CNKSR3: variants seen among roughly 807,000 people sequenced by gnomAD.
The protein encoded by CNKSR3 is CNKSR family member 3, also known as connector enhancer of kinase suppressor of ras 3.
Under a neutral mutation model 67.7 loss-of-function variants are expected in CNKSR3, and 36 were observed. That is an observed-to-expected ratio of 0.53 (90% CI 0.41 to 0.70). The LOEUF is 0.70. Ranked by LOEUF, CNKSR3 falls within the 30% of genes least tolerant of loss-of-function variation. The probability of loss-of-function intolerance (pLI) is 0.00; values close to 1 mark genes in which losing one functional copy is unlikely to be tolerated. For synonymous variants in CNKSR3, 281 were observed against 271.4 expected (o/e 1.04, Z -0.35); for missense variants, 630 against 695.2 (o/e 0.91, Z 1.05).
intron 2 of CNKSR3, among the ~76,000 whole-genome samples, chr6:154,444,624 T>TTG (rs1554233824): frequency 0.015 from 2,124 of 145,162 alleles, 28 homozygotes; most frequent in African/African-American, 0.052. Context: ...TTTTTTTTTT[T>TTG]GAAACGGAGT....
intron 1 of CNKSR3, among the ~76,000 whole-genome samples, chr6:154,482,887 A>ATG (rs1218878912): frequency 6.6e-6 from 1 of 152,212 alleles, no homozygotes; most frequent in East Asian, 1.9e-4. Flanking sequence ...TAGCTCTTGA[A>ATG]TGTTTAATCA....
At chr6:154,492,201 T>A (rs992311934) in intron 1 of CNKSR3, among the ~76,000 whole-genome samples, 1 of 152,174 alleles carries the variant, frequency 6.6e-6, no homozygotes, top group Non-Finnish European at 1.5e-5. Context: ...GCCATCACCC[T>A]CTCCTATTCC....
intron 1 of CNKSR3, among the ~76,000 whole-genome samples, chr6:154,495,789 A>G (rs376885290): frequency 1.3e-5 from 2 of 151,742 alleles, no homozygotes; most frequent in South Asian, 2.1e-4. Flanking sequence ...GGCGCAGAGT[A>G]CTCCTGTGTG....
At chr6:154,468,286 G>A (rs1786250856) in intron 1 of CNKSR3, among the ~76,000 whole-genome samples, 1 of 150,242 alleles carries the variant, frequency 6.7e-6, no homozygotes, top group East Asian at 2.0e-4. Context: ...CATCATGTTG[G>A]CCAGGCTGGT....
Position 154,410,385 on chromosome 6 carries a change from T to G in CNKSR3, c.1327A>C (p.Ile443Leu), listed in dbSNP as rs777913554. 6.2e-7 allele frequency: 1 copy of G among 1,613,922 alleles called. No homozygotes were observed. The highest frequency in any genetic ancestry group is 1.1e-5 in the South Asian group (1 of 91,070). Residue 443 changes from isoleucine (I) to leucine (L), a missense_variant, in exon 12 of 13, where the codon ATT becomes CTT. By Grantham distance (5) the Ile-to-Leu change is conservative. Coordinates refer to ENST00000607772, the MANE Select transcript of CNKSR3 (RefSeq NM_173515.4). The part of the protein sequence containing the change: ...SMPADGNWMG[I>L]VDPFARPRGH... Reference sequence around the variant, plus strand: ...CGAGGTCTGGCAAAAGGGTCCACAATCCCCATCCAGTTCCCATCAGCAGGC... The same window carrying G: ...CGAGGTCTGGCAAAAGGGTCCACAAGCCCCATCCAGTTCCCATCAGCAGGC...
chr6:154,472,517 C>T (rs6928135), intron 1 of CNKSR3, among the ~76,000 whole-genome samples: 42,188 of 151,888 alleles, frequency 0.28, 6,126 homozygotes, highest in East Asian at 0.41. Context: ...TTTCGTATCT[C>T]GGGATACCTA....
intron 2 of CNKSR3, among the ~76,000 whole-genome samples, chr6:154,444,605 C>CTTT (rs775511533): frequency 1.5e-5 from 2 of 135,844 alleles, no homozygotes; most frequent in Non-Finnish European, 1.6e-5. Flanking sequence ...AGTGGAGAAA[C>CTTT]TTTTTTTTTT....
rs746527710 is a variant in CNKSR3, at chr6:154,510,190, C to T, written c.-76G>A. 3 of 1,573,106 alleles carry T rather than the reference C, an allele frequency of 1.9e-6. No homozygotes were observed. Among genetic ancestry groups the T allele is most frequent in the Non-Finnish European group, 1.7e-6 (2 of 1,145,910 alleles). On this transcript the variant is annotated 5_prime_UTR_variant, in exon 1 of 13. Transcript: ENST00000607772. Reference sequence around the variant, plus strand: ...GCTGCCTGCGCTCCGGTGCCCCTTCCCGGGAGGGCGCGCCCGCGGCTGCTC... The same window carrying T: ...GCTGCCTGCGCTCCGGTGCCCCTTCTCGGGAGGGCGCGCCCGCGGCTGCTC...
At chr6:154,438,230 T>A (rs1465456918) in intron 4 of CNKSR3, among the ~76,000 whole-genome samples, 5 of 152,182 alleles carry the variant, frequency 3.3e-5, no homozygotes, top group Non-Finnish European at 7.4e-5. Flanking sequence ...AATAAAATTT[T>A]TTGTTCTCTT....
chr6:154,440,777 T>G (rs1785565051), intron 4 of CNKSR3, among the ~76,000 whole-genome samples: 1 of 152,296 alleles, frequency 6.6e-6, no homozygotes, highest in Middle Eastern at 3.4e-3. Flanking sequence ...GTGATTGCCC[T>G]CTAGCCCTGA....
intron 2 of CNKSR3, among the ~76,000 whole-genome samples, chr6:154,447,924 TAATAAG>T (rs1785740288): frequency 2.0e-5 from 3 of 152,332 alleles, no homozygotes; most frequent in South Asian, 4.1e-4. Context: ...ATATGAATTA[TAATAAG>T]AATATTCAAA....
chr6:154,404,111 A>C lies in CNKSR3; in HGVS notation c.*2243T>G, dbSNP rs1472087288. The stretch of plus-strand genomic sequence containing the variant: ...ACACCCCACCCTCCTAGTGTGTTGA[A>C]CACCCTGTGGTCACACACTGCAAGC... On this transcript the variant is annotated 3_prime_UTR_variant, in exon 13 of 13. Coordinates refer to ENST00000607772, the MANE Select transcript of CNKSR3 (RefSeq NM_173515.4). The C allele has an allele frequency of 1.3e-5, 2 of 152,118 alleles. No homozygotes were observed. The highest frequency in any genetic ancestry group is 4.8e-5 in the African/African-American group (2 of 41,392). 9.4% of individuals were successfully genotyped at this position (152,118 alleles called of 1,614,324 possible). A position where few individuals can be genotyped will look rare whatever the true frequency, so the allele number is the denominator to read the frequency against.
intron 3 of CNKSR3, among the ~76,000 whole-genome samples, chr6:154,441,598 C>T (rs144205755): frequency 0.011 from 1,612 of 152,288 alleles, 19 homozygotes; most frequent in South Asian, 0.044. Flanking sequence ...ACTCTCCTGC[C>T]TCAGCCTCCC....
At chr6:154,477,098 A>C (rs1786467584) in intron 1 of CNKSR3, among the ~76,000 whole-genome samples, 1 of 152,218 alleles carries the variant, frequency 6.6e-6, no homozygotes, top group Non-Finnish European at 1.5e-5. Flanking sequence ...GATGTCCTGA[A>C]GCCAATTTAA....
rs757791107 is a variant in CNKSR3 at position 154,390,473 on chromosome 6, TCTCA to T, written c.*15877_*15880del. The T allele has an allele frequency of 2.0e-5, 3 of 152,176 alleles. No individual in the cohort carries two copies. Among genetic ancestry groups the T allele is most frequent in the Non-Finnish European group, 4.4e-5 (3 of 68,038 alleles). The allele number at this position is 152,176 out of a possible 1,614,324, so 9.4% of individuals were successfully genotyped here. A position where few individuals can be genotyped will look rare whatever the true frequency, so the allele number is the denominator to read the frequency against. On this transcript the variant is annotated 3_prime_UTR_variant, in exon 13 of 13. Coordinates refer to ENST00000607772, the MANE Select transcript of CNKSR3 (RefSeq NM_173515.4). ...GGACATTAACTTCTCATGGAAAAAT[TCTCA>T]CTATTAGGAGACAGGAAATGGGAGG...
intron 2 of CNKSR3, among the ~76,000 whole-genome samples, chr6:154,444,844 A>T (rs920958110): frequency 2.0e-5 from 3 of 152,106 alleles, no homozygotes; most frequent in African/African-American, 7.2e-5. Flanking sequence ...TGACCTCATG[A>T]TCCGCCCACC....
At chr6:154,491,368 A>AT (rs546965468) in intron 1 of CNKSR3, among the ~76,000 whole-genome samples, 70 of 152,288 alleles carry the variant, frequency 4.6e-4, no homozygotes, top group African/African-American at 1.6e-3. Context: ...GGTACTCAAT[A>AT]AACAGCTGGT....
At chr6:154,498,784 C>G (rs761588329) in intron 1 of CNKSR3, among the ~76,000 whole-genome samples, 2 of 152,234 alleles carry the variant, frequency 1.3e-5, no homozygotes, top group Non-Finnish European at 2.9e-5. Context: ...CCTACTAAGA[C>G]AAAAGAGCTT....
At chr6:154,498,063 G>A (rs537667108) in intron 1 of CNKSR3, among the ~76,000 whole-genome samples, 6 of 152,304 alleles carry the variant, frequency 3.9e-5, no homozygotes, top group African/African-American at 1.2e-4. Context: ...TTTTTACCCT[G>A]AAGAGTAACT....
Sources: gnomAD v4.1 joint callset for allele counts (sites outside exome capture counted in the v4.1 genomes callset) on GRCh38, gnomAD v4.1.1 for gene constraint, MANE v1.5 for transcripts, NCBI Gene and HGNC (gene_info 2026-07-23, HGNC 2026-07-21) for gene names.